PLEK2: variants seen among roughly 807,000 people sequenced by gnomAD.
PLEK2 encodes pleckstrin 2.
Under a neutral mutation model 43.8 loss-of-function variants are expected in PLEK2, and 29 were observed. That is an observed-to-expected ratio of 0.66 (90% confidence interval 0.49 to 0.90). The LOEUF (loss-of-function observed/expected upper bound fraction) is 0.90. Ranked by LOEUF, PLEK2 falls within the 40% of genes least tolerant of loss-of-function variation. The pLI is 0.00. For missense variants in PLEK2, 398 were observed against 448.1 expected, an observed-to-expected ratio of 0.89 and a Z score of 1.01; for synonymous variants, 162 against 173.2, an observed-to-expected ratio of 0.94 and a Z score of 0.51.
At chr14:67,395,654 GGGGCCCC>G (rs2086003124) in intron 2 of PLEK2, 71 bp from the exon 3 acceptor site, 1 of 1,368,780 alleles carries the variant, frequency 7.3e-7, no homozygotes, top group South Asian at 1.2e-5. Context: ...CAAAAATGAC[GGGGCCCC>G]GGGAGAATCT....
intron 3 of PLEK2, among the ~76,000 whole-genome samples, chr14:67,394,620 G>A (rs1217243202): frequency 1.3e-5 from 2 of 152,062 alleles, no homozygotes; most frequent in Non-Finnish European, 2.9e-5. Flanking sequence ...GTGAGCCCAG[G>A]AATGGATTCA....
chr14:67,404,030 G>A (rs2086064051), intron 1 of PLEK2, among the ~76,000 whole-genome samples: 1 of 152,096 alleles, frequency 6.6e-6, no homozygotes, highest in Non-Finnish European at 1.5e-5. Flanking sequence ...TCTAGCCTGG[G>A]CAACACAGTG....
intron 1 of PLEK2, among the ~76,000 whole-genome samples, chr14:67,410,733 C>T (rs2086110487): frequency 6.6e-6 from 1 of 152,204 alleles, no homozygotes; most frequent in Admixed American, 6.5e-5. Context: ...GCCCCTCATC[C>T]CTCTTCATTC....
intron 1 of PLEK2, among the ~76,000 whole-genome samples, chr14:67,402,222 G>A (rs1359104023): frequency 2.0e-5 from 3 of 152,140 alleles, no homozygotes; most frequent in Non-Finnish European, 4.4e-5. Context: ...TTCCACTTAA[G>A]GAAGTTTCTG....
At chr14:67,390,812 G>T in intron 6 of PLEK2, 66 bp from the exon 7 acceptor site, 1 of 1,109,082 alleles carries the variant, frequency 9.0e-7, no homozygotes, top group Non-Finnish European at 1.4e-6. Flanking sequence ...CTGTATCTAT[G>T]CATGTAATGC....
At chr14:67,410,980 C>T (rs916362848) in intron 1 of PLEK2, among the ~76,000 whole-genome samples, 3 of 151,656 alleles carry the variant, frequency 2.0e-5, no homozygotes, top group Non-Finnish European at 4.4e-5. Context: ...ACCCTGTCTC[C>T]ACAAAAAAAT....
intron 1 of PLEK2, chr14:67,398,040 T>G (rs775119367): frequency 2.8e-4 from 110 of 390,378 alleles, no homozygotes; most frequent in Non-Finnish European, 4.8e-4. Flanking sequence ...TCTCTGGTTT[T>G]AAATCTTGAA....
intron 1 of PLEK2, among the ~76,000 whole-genome samples, chr14:67,411,547 C>T (rs1260532892): frequency 6.6e-6 from 1 of 152,040 alleles, no homozygotes; most frequent in Non-Finnish European, 1.5e-5. Context: ...CTCTGGGCTT[C>T]GTTTTCCCCC....
chr14:67,387,194 C>T lies in PLEK2; in HGVS notation c.*135G>A. Reference sequence around the variant, plus strand: ...CCACTGCTGTTTGTAATCTGAGGAACTCTTGGCAGCATTCACTCTCCAAAG... The same window carrying T: ...CCACTGCTGTTTGTAATCTGAGGAATTCTTGGCAGCATTCACTCTCCAAAG... On this transcript the variant is annotated 3_prime_UTR_variant, in exon 9 of 9. Coordinates refer to ENST00000216446, the MANE Select transcript of PLEK2 (RefSeq NM_016445.3). 1.3e-6 allele frequency: 1 copy of T among 775,956 alleles called. No homozygotes were observed. Among genetic ancestry groups the T allele is most frequent in the African/African-American group, 1.8e-5 (1 of 54,802 alleles). 48.1% of individuals were successfully genotyped at this position (775,956 alleles called of 1,614,324 possible).
intron 1 of PLEK2, among the ~76,000 whole-genome samples, chr14:67,399,591 G>A (rs1031432958): frequency 1.3e-5 from 2 of 148,354 alleles, no homozygotes; most frequent in East Asian, 4.2e-4. Context: ...TAAAGAGAAG[G>A]GTAGTTTAGG....
intron 7 of PLEK2, 106 bp from the exon 8 acceptor site, chr14:67,388,408 T>TGTAATA (rs1334019320): frequency 1.9e-5 from 14 of 735,864 alleles, no homozygotes; most frequent in Non-Finnish European, 2.7e-5. Flanking sequence ...GCAAATCATT[T>TGTAATA]GTAATAGAAG....
In PLEK2 at chr14:67,393,239, C is replaced by A. The variant is rs769897029; in HGVS notation, c.392G>T (p.Arg131Leu). The change falls in exon 4 of 9, where the codon CGC becomes CTC. Residue 131 changes from arginine to leucine, a missense_variant and splice_region_variant. By Grantham distance (102) the Arg-to-Leu change is moderately radical. Transcript: ENST00000216446. ...FKLPPHISLH[R>L]IVDKMHDSNT... ...GCTATCGTGCATCTTGTCCACAATGCGACTACATGGAAGGGAAGGCAAAGG... is the reference window on the plus strand; with the variant it reads ...GCTATCGTGCATCTTGTCCACAATGAGACTACATGGAAGGGAAGGCAAAGG... The A allele has an allele frequency of 6.2e-7, 1 of 1,611,168 alleles. No homozygotes were observed. The highest frequency in any genetic ancestry group is 2.2e-5 in the East Asian group (1 of 44,860).
chr14:67,387,453 ACCCCTAGG>A lies in PLEK2; in HGVS notation c.935-5_937del. 6.2e-7 allele frequency: 1 copy of A among 1,602,890 alleles called. No homozygotes were observed. The highest frequency in any genetic ancestry group is 8.5e-7 in the Non-Finnish European group (1 of 1,176,260). On this transcript the variant is annotated splice_acceptor_variant and splice_polypyrimidine_tract_variant and coding_sequence_variant and intron_variant, in exon 9 of 9. Coordinates refer to ENST00000216446, the MANE Select transcript of PLEK2 (RefSeq NM_016445.3). LOFTEE classifies it high-confidence loss of function. The stretch of plus-strand genomic sequence containing the variant: ...GAGGTTTCCCTGGACATTCCCTTTA[ACCCCTAGG>A]CAGAAAAAAGGGGGAAAAAAATCAG...
At chr14:67,389,054 A>C (rs1173791169) in intron 7 of PLEK2, among the ~76,000 whole-genome samples, 1 of 151,786 alleles carries the variant, frequency 6.6e-6, no homozygotes, top group Non-Finnish European at 1.5e-5. Flanking sequence ...TGTGCCTAGC[A>C]AGAAACTTCG....
intron 1 of PLEK2, among the ~76,000 whole-genome samples, chr14:67,402,857 T>C (rs2086057612): frequency 6.6e-6 from 1 of 152,252 alleles, no homozygotes; most frequent in South Asian, 2.1e-4. Flanking sequence ...ATCTTGGCTA[T>C]TGTAAACAGT....
chr14:67,395,016 A>G (rs549060572), intron 3 of PLEK2, among the ~76,000 whole-genome samples: 1 of 152,254 alleles, frequency 6.6e-6, no homozygotes, highest in African/African-American at 2.4e-5. Context: ...CTATAATGAT[A>G]AGAAATAAAT....
intron 1 of PLEK2, among the ~76,000 whole-genome samples, chr14:67,401,890 G>A (rs770207321): frequency 4.6e-5 from 7 of 152,270 alleles, no homozygotes; most frequent in Non-Finnish European, 8.8e-5. Context: ...TTGGGAGGCC[G>A]AGGTGGGCGG....
intron 7 of PLEK2, among the ~76,000 whole-genome samples, chr14:67,389,220 TAAATA>T (rs2085949581): frequency 6.6e-6 from 1 of 152,040 alleles, no homozygotes; most frequent in Non-Finnish European, 1.5e-5. Context: ...ATAAAATGGT[TAAATA>T]AAATACTGGA....
chr14:67,411,928 C>A (rs1186536007), intron 1 of PLEK2, 90 bp downstream of exon 1: 13 of 1,217,960 alleles, frequency 1.1e-5, no homozygotes, highest in African/African-American at 1.6e-5. Context: ...AGAGCATGCC[C>A]GTTCCGGGGC....
Sources: gnomAD v4.1 joint callset for allele counts (sites outside exome capture counted in the v4.1 genomes callset) on GRCh38, gnomAD v4.1.1 for gene constraint, MANE v1.5 for transcripts, NCBI Gene and HGNC (gene_info 2026-07-23, HGNC 2026-07-21) for gene names.